The following MYLK variants were observed in gnomAD, a reference collection of about 807,000 sequenced individuals.
The protein encoded by MYLK is myosin light chain kinase, smooth muscle.
Under a neutral mutation model 203.4 loss-of-function variants are expected in MYLK, and 106 were observed. The ratio of observed to expected loss-of-function variants is 0.52; its 90% CI spans 0.45 to 0.61. MYLK has a LOEUF of 0.61. Ranked by LOEUF, MYLK falls within the 20% of genes least tolerant of loss-of-function variation. The probability of loss-of-function intolerance (pLI) is 0.00; values close to 1 mark genes in which losing one functional copy is unlikely to be tolerated. For synonymous variants in MYLK, 867 were observed against 959.5 expected (o/e 0.90, Z 1.78); for missense variants, 2,072 against 2,442.3 (o/e 0.85, Z 3.20).
chr3:123,820,377 T>C (rs960581736), intron 3 of MYLK, among the ~76,000 whole-genome samples: 5 of 152,124 alleles, frequency 3.3e-5, no homozygotes, highest in Admixed American at 6.5e-5. Flanking sequence ...GTTATGGAAA[T>C]GCCTAATATA....
intron 2 of MYLK, among the ~76,000 whole-genome samples, chr3:123,846,141 C>A (rs948459570): frequency 6.6e-6 from 1 of 152,138 alleles, no homozygotes; most frequent in African/African-American, 2.4e-5. Context: ...AAAACGGATT[C>A]TTGATTAAAA....
rs1455391914 is a variant in MYLK, at chr3:123,611,671, A to C, written c.*2434T>G. 6.6e-6 allele frequency: 1 copy of C among 152,642 alleles called. No individual in the cohort carries two copies. The highest frequency in any genetic ancestry group is 1.5e-5 in the Non-Finnish European group (1 of 68,602). The allele number at this position is 152,642 out of a possible 1,614,324, so 9.5% of individuals were successfully genotyped here. A position where few individuals can be genotyped will look rare whatever the true frequency, so the allele number is the denominator to read the frequency against. ...TTTCTATTATTATTACATTGTAATAATATATTTTATTATAATATAAAATAA... is the reference window on the plus strand; with the variant it reads ...TTTCTATTATTATTACATTGTAATACTATATTTTATTATAATATAAAATAA... On this transcript the variant is annotated 3_prime_UTR_variant, in exon 34 of 34. Transcript: ENST00000360304.
intron 4 of MYLK, among the ~76,000 whole-genome samples, chr3:123,777,602 G>A (rs2064126666): frequency 2.0e-5 from 3 of 152,176 alleles, no homozygotes; most frequent in Admixed American, 6.5e-5. Context: ...GAGACCTGAG[G>A]GCCACAAGGC....
intron 5 of MYLK, among the ~76,000 whole-genome samples, chr3:123,748,461 G>A (rs1394229470): frequency 6.6e-6 from 1 of 152,164 alleles, no homozygotes; most frequent in East Asian, 1.9e-4. Context: ...TTCCTATTCA[G>A]GTGGCAGCTT....
At position 123,665,133 on chromosome 3, in the gene MYLK, TAAC is replaced by T. The variant is rs545653861; in HGVS notation, c.3832-878_3832-876del. ...ATTTTATGGCATATGAATTATATCT[TAAC>T]AAAGCTGCTATAACAATTTTTAATT... On this transcript the variant is annotated intron_variant, in intron 22 of 33. Coordinates refer to ENST00000360304, the MANE Select transcript of MYLK (RefSeq NM_053025.4). Among the ~76,000 whole-genome samples, 1,421 of 152,332 alleles carry T rather than the reference TAAC, an allele frequency of 9.3e-3. 6 individuals are homozygous for T. Among genetic ancestry groups the T allele is most frequent in the Non-Finnish European group, 0.016 (1,078 of 68,024 alleles).
intron 5 of MYLK, among the ~76,000 whole-genome samples, chr3:123,742,947 T>C (rs150504838): frequency 1.2e-4 from 18 of 152,158 alleles, no homozygotes; most frequent in Middle Eastern, 3.4e-3. Flanking sequence ...TGGTGGTTAG[T>C]AGTTGCCAGG....
intron 2 of MYLK, among the ~76,000 whole-genome samples, chr3:123,848,771 GT>G (rs2030377970): frequency 6.6e-6 from 1 of 152,114 alleles, no homozygotes; most frequent in South Asian, 2.1e-4. Context: ...TGAAAATTAT[GT>G]TTAGATGACT....
chr3:123,843,093 C>T (rs2066632013), intron 2 of MYLK, among the ~76,000 whole-genome samples: 1 of 152,166 alleles, frequency 6.6e-6, no homozygotes, highest in Non-Finnish European at 1.5e-5. Context: ...GAAGGAGTAA[C>T]AGACTCAACA....
At chr3:123,636,501 G>A (rs1456673178) in intron 29 of MYLK, among the ~76,000 whole-genome samples, 4 of 152,260 alleles carry the variant, frequency 2.6e-5, no homozygotes, top group Non-Finnish European at 5.9e-5. Flanking sequence ...GGGACCAAGC[G>A]AGACCACAGC....
At chr3:123,675,316 A>G (rs968533537) in intron 20 of MYLK, among the ~76,000 whole-genome samples, 1 of 152,340 alleles carries the variant, frequency 6.6e-6, no homozygotes, top group South Asian at 2.1e-4. Flanking sequence ...TGGGGAGGCC[A>G]GCCTCCTAAT....
At chr3:123,752,253 G>A (rs1195412492) in intron 5 of MYLK, 78 bp downstream of exon 5, 3 of 1,448,624 alleles carry the variant, frequency 2.1e-6, no homozygotes, top group South Asian at 1.1e-5. Context: ...CTTCAAGAGA[G>A]GGCTAAGGCA....
chr3:123,831,825 G>A (rs955897566), intron 2 of MYLK, among the ~76,000 whole-genome samples, 155 bp from the exon 3 acceptor site: 9 of 152,216 alleles, frequency 5.9e-5, no homozygotes, highest in African/African-American at 2.2e-4. Flanking sequence ...TTATTACCGT[G>A]TGGGGGGGTT....
intron 23 of MYLK, among the ~76,000 whole-genome samples, chr3:123,661,237 G>A (rs959769302): frequency 6.6e-6 from 1 of 152,188 alleles, no homozygotes; most frequent in African/African-American, 2.4e-5. Flanking sequence ...CGTGGGGGCT[G>A]GGGGGAGGGA....
At chr3:123,771,813 G>C (rs1245684148) in intron 4 of MYLK, among the ~76,000 whole-genome samples, 1 of 152,102 alleles carries the variant, frequency 6.6e-6, no homozygotes, top group African/African-American at 2.4e-5. Context: ...CTAACACAAG[G>C]CCTATTATAT....
chr3:123,794,118 C>T (rs560458536), intron 3 of MYLK, among the ~76,000 whole-genome samples: 3 of 152,384 alleles, frequency 2.0e-5, no homozygotes, highest in Admixed American at 2.0e-4. Context: ...AACTTTCCAT[C>T]TTTTCACTGA....
At chr3:123,621,316 A>C (rs1230471824) in intron 31 of MYLK, 1 of 152,214 alleles carries the variant, frequency 6.6e-6, no homozygotes, top group Non-Finnish European at 1.5e-5. Context: ...CCCTGCACCC[A>C]AAGCATCTTT....
At chr3:123,839,365 A>G (rs940949433) in intron 2 of MYLK, among the ~76,000 whole-genome samples, 1 of 152,340 alleles carries the variant, frequency 6.6e-6, no homozygotes, top group African/African-American at 2.4e-5. Context: ...ACAATGGGAA[A>G]AGATATAAAT....
intron 30 of MYLK, among the ~76,000 whole-genome samples, chr3:123,628,515 C>G (rs911964771): frequency 6.6e-6 from 1 of 152,172 alleles, no homozygotes; most frequent in African/African-American, 2.4e-5. Context: ...CCAAGCTCCT[C>G]GGCACCCCTA....
At chr3:123,726,188 C>T (rs144651189) in intron 11 of MYLK, 110 bp from the exon 12 acceptor site, 1 of 1,408,066 alleles carries the variant, frequency 7.1e-7, no homozygotes, top group Middle Eastern at 1.9e-4. Context: ...CACCTGGGTA[C>T]CCTCGGCAGC....
Sources: allele counts gnomAD v4.1 joint callset (sites outside exome capture counted in the v4.1 genomes callset), GRCh38; gene constraint gnomAD v4.1.1; transcripts MANE v1.5; gene names NCBI Gene and HGNC (gene_info 2026-07-23, HGNC 2026-07-21).